Variants in ERO1B observed in about 807,000 individuals in gnomAD.
ERO1B encodes endoplasmic reticulum oxidoreductase 1 beta.
A neutral mutation model predicts 75.3 loss-of-function variants in ERO1B; 49 were observed. The ratio of observed to expected loss-of-function variants is 0.65; its 90% CI spans 0.52 to 0.83. The LOEUF (loss-of-function observed/expected upper bound fraction) is 0.83, where lower values mean the gene tolerates loss of function less well. Ranked by LOEUF, ERO1B falls within the 40% of genes least tolerant of loss-of-function variation. The probability of loss-of-function intolerance (pLI) is 0.00; values close to 1 mark genes in which losing one functional copy is unlikely to be tolerated. For missense variants in ERO1B, 512 were observed against 560.1 expected (o/e 0.91, Z 0.87); for synonymous variants, 191 against 192.9 (o/e 0.99, Z 0.08).
chr1:236,266,702 T>C (rs1665449867), intron 2 of ERO1B, among the ~76,000 whole-genome samples: 1 of 152,190 alleles, frequency 6.6e-6, no homozygotes, highest in South Asian at 2.1e-4. Flanking sequence ...GCCACTGTTG[T>C]AGGTAGAGTA....
intron 2 of ERO1B, among the ~76,000 whole-genome samples, chr1:236,261,457 G>T (rs1055343441): frequency 6.6e-6 from 1 of 152,186 alleles, no homozygotes; most frequent in African/African-American, 2.4e-5. Context: ...CTGCAAAGTT[G>T]CAGGTTACGA....
intron 5 of ERO1B, among the ~76,000 whole-genome samples, chr1:236,247,591 T>C (rs1390058892): frequency 6.6e-6 from 1 of 152,130 alleles, no homozygotes; most frequent in Non-Finnish European, 1.5e-5. Flanking sequence ...CCTCAACACA[T>C]GCCCTTAACT....
At chr1:236,279,512 A>AAAAAAAAAAAAG (rs1198260878) in intron 1 of ERO1B, among the ~76,000 whole-genome samples, 1 of 144,346 alleles carries the variant, frequency 6.9e-6, no homozygotes, top group East Asian at 2.0e-4. Flanking sequence ...CTCAAAAAAA[A>AAAAAAAAAAAAG]AAAAAAAACA....
Position 236,215,322 on chromosome 1 carries a change from T to C in ERO1B, c.*3194A>G, listed in dbSNP as rs1663942251. ...TCTTCTTACTTATAAAACAGAGAAG[T>C]AATTGTACCTACCTACTAGTGCTAT... On this transcript the variant is annotated 3_prime_UTR_variant, in exon 16 of 16. Transcript: ENST00000354619. Among the ~76,000 whole-genome samples, 1 of 152,200 alleles carries C rather than the reference T, an allele frequency of 6.6e-6. No individual in the cohort carries two copies. Among genetic ancestry groups the C allele is most frequent in the Non-Finnish European group, 1.5e-5 (1 of 68,036 alleles).
At position 236,220,840 on chromosome 1, in the gene ERO1B, A is replaced by C. The variant is rs764780425; in HGVS notation, c.1335T>G (p.Ala445=). 26 of 1,582,414 alleles carry C rather than the reference A, an allele frequency of 1.6e-5. No individual in the cohort carries two copies. The highest frequency in any genetic ancestry group is 9.6e-5 in the African/African-American group (7 of 73,182). Reference sequence around the variant, plus strand: ...CATATAATGGTTCTTACCTTCCAAAAGCATTTAAAAGAGCAACTATTTCCT... The same window carrying C: ...CATATAATGGTTCTTACCTTCCAAACGCATTTAAAAGAGCAACTATTTCCT... ...TRQEIVALLN[A]FGRLSTSIRD... The change falls in exon 15 of 16, where the codon GCT becomes GCG. Residue 445 remains alanine, a synonymous_variant. Transcript: ENST00000354619.
At chr1:236,266,065 TTTTA>T (rs1185683922) in intron 2 of ERO1B, among the ~76,000 whole-genome samples, 1 of 152,232 alleles carries the variant, frequency 6.6e-6, no homozygotes, top group Non-Finnish European at 1.5e-5. Flanking sequence ...TGAAATTATA[TTTTA>T]TTGTTTACTT....
intron 1 of ERO1B, among the ~76,000 whole-genome samples, chr1:236,279,432 G>T (rs1043358380): frequency 7.0e-6 from 1 of 143,178 alleles, no homozygotes; most frequent in African/African-American, 2.6e-5. Flanking sequence ...GAACCCAGGA[G>T]GTGGAGGCTG....
chr1:236,241,766 AT>A (rs150628960), intron 6 of ERO1B, among the ~76,000 whole-genome samples: 10,435 of 152,108 alleles, frequency 0.069, 746 homozygotes, highest in East Asian at 0.39. Flanking sequence ...AGAAACTAAT[AT>A]TTTAAAAAAT....
intron 10 of ERO1B, among the ~76,000 whole-genome samples, chr1:236,227,255 T>G (rs1664302040): frequency 6.7e-6 from 1 of 150,236 alleles, no homozygotes; most frequent in African/African-American, 2.5e-5. Context: ...GAATTTCAAC[T>G]AATTAAAAAA....
rs1360700399 is a variant in ERO1B, at chr1:236,253,617, T to C, written c.223-112A>G. 1.1e-5 allele frequency: 8 copies of C among 704,270 alleles called. No homozygotes were observed. In the Admixed American group the frequency reaches 1.4e-4, roughly 13 times the overall value. The allele number at this position is 704,270 out of a possible 1,614,324, so 43.6% of individuals were successfully genotyped here. A position where few individuals can be genotyped will look rare whatever the true frequency, so the allele number is the denominator to read the frequency against. ...GTGGTGAATAAGAAGGAATACTTCC[T>C]ATCCTCGTGGCACCTATAAGGTTCA... On this transcript the variant is annotated intron_variant, in intron 2 of 15. Transcript: ENST00000354619.
At chr1:236,231,067 AT>A (rs1664396927) in intron 9 of ERO1B, among the ~76,000 whole-genome samples, 1 of 148,648 alleles carries the variant, frequency 6.7e-6, no homozygotes, top group African/African-American at 2.4e-5. Flanking sequence ...AAAATAAGGA[AT>A]TATAATTAAC....
At chr1:236,228,725 C>T (rs949087806) in intron 10 of ERO1B, among the ~76,000 whole-genome samples, 2 of 152,186 alleles carry the variant, frequency 1.3e-5, no homozygotes, top group African/African-American at 4.8e-5. Context: ...CAGGAATCAT[C>T]TACACTCACA....
At chr1:236,263,736 AT>A (rs1486984784) in intron 2 of ERO1B, among the ~76,000 whole-genome samples, 1 of 102,388 alleles carries the variant, frequency 9.8e-6, no homozygotes, top group Admixed American at 9.4e-5. Context: ...TATATATCTT[AT>A]CTGTTTTATC....
intron 15 of ERO1B, 132 bp downstream of exon 15, chr1:236,220,696 CTAAG>C: frequency 1.2e-6 from 1 of 826,802 alleles, no homozygotes. Context: ...TAAGGCCTCT[CTAAG>C]TTAGTACAGA....
intron 1 of ERO1B, among the ~76,000 whole-genome samples, chr1:236,272,712 C>CCCT (rs1665624328): frequency 6.6e-6 from 1 of 152,202 alleles, no homozygotes; most frequent in Non-Finnish European, 1.5e-5. Flanking sequence ...ACCTCCCTCT[C>CCCT]CCTAAAGGTA....
In ERO1B at chr1:236,243,411, T is replaced by C; in HGVS notation, c.505+11A>G. On this transcript the variant is annotated intron_variant, in intron 6 of 15. Transcript: ENST00000354619. The stretch of plus-strand genomic sequence containing the variant: ...TTAAAATAATTTAATTATAATAGTT[T>C]ATTGTATTACCATCAAGTTCACAAA... 1 of 1,526,770 alleles carries C rather than the reference T, an allele frequency of 6.5e-7. No individual in the cohort carries two copies. The highest frequency in any genetic ancestry group is 8.9e-7 in the Non-Finnish European group (1 of 1,119,966). The allele number at this position is 1,526,770 out of a possible 1,614,324, so 94.6% of individuals were successfully genotyped here. A position where few individuals can be genotyped will look rare whatever the true frequency, so the allele number is the denominator to read the frequency against.
rs1009536441 is a variant in ERO1B, at chr1:236,261,758, T to A, written c.222+8117A>T. Reference sequence around the variant, plus strand: ...TACAATTCCTATCAAAATTCCTATATCATTTCTTTACAGATACATAAAAAA... The same window carrying A: ...TACAATTCCTATCAAAATTCCTATAACATTTCTTTACAGATACATAAAAAA... On this transcript the variant is annotated intron_variant, in intron 2 of 15. Transcript: ENST00000354619. Among the ~76,000 whole-genome samples, 101 of 152,214 alleles carry A rather than the reference T, an allele frequency of 6.6e-4. 1 individual carries two copies. The highest frequency in any genetic ancestry group is 2.3e-3 in the African/African-American group (97 of 41,552).
chr1:236,273,497 G>A (rs2695038), intron 1 of ERO1B, among the ~76,000 whole-genome samples: 139,249 of 152,230 alleles, frequency 0.91, 64,932 homozygotes, highest in East Asian at 1. Flanking sequence ...ATGTTTCTGG[G>A]CACATATTCT....
At chr1:236,270,016 A>G (rs768675736) in intron 1 of ERO1B, 22 bp from the exon 2 acceptor site, 4 of 1,510,960 alleles carry the variant, frequency 2.6e-6, no homozygotes, top group Middle Eastern at 1.9e-4. Context: ...ATAATTTAAA[A>G]TATGTAAACT....
Sources: gnomAD v4.1 joint callset for allele counts (sites outside exome capture counted in the v4.1 genomes callset) on GRCh38, gnomAD v4.1.1 for gene constraint, MANE v1.5 for transcripts, NCBI Gene and HGNC (gene_info 2026-07-23, HGNC 2026-07-21) for gene names.